The following CLSTN2 variants were observed in gnomAD, a reference collection of about 807,000 sequenced individuals.
The protein encoded by CLSTN2 is calsyntenin 2, also known as calsyntenin-2.
In CLSTN2, 48 loss-of-function variants were observed where a neutral mutation model predicts 101.2. The observed-to-expected ratio is 0.47, with a 90% CI of 0.38 to 0.60. The LOEUF is 0.60. Ranked by LOEUF, CLSTN2 falls within the 20% of genes least tolerant of loss-of-function variation. The pLI is 0.00. For synonymous variants in CLSTN2, 481 were observed against 463.6 expected (o/e 1.04, Z -0.48); for missense variants, 1,160 against 1,238.2 (o/e 0.94, Z 0.95).
chr3:140,327,584 A>G (rs188988837), intron 2 of CLSTN2, among the ~76,000 whole-genome samples: 1 of 152,328 alleles, frequency 6.6e-6, no homozygotes, highest in Non-Finnish European at 1.5e-5. Flanking sequence ...TATACTCAAA[A>G]GAATGTGCAC....
intron 2 of CLSTN2, among the ~76,000 whole-genome samples, chr3:140,374,661 T>C (rs1258082484): frequency 6.6e-6 from 1 of 152,210 alleles, no homozygotes; most frequent in Admixed American, 6.5e-5. Flanking sequence ...AATAGAGCTA[T>C]CAAATTAATG....
intron 9 of CLSTN2, among the ~76,000 whole-genome samples, chr3:140,534,471 C>A (rs1559897074): frequency 6.6e-6 from 1 of 152,130 alleles, no homozygotes; most frequent in African/African-American, 2.4e-5. Context: ...GAACTAAAAT[C>A]AATAAGAATA....
At chr3:140,420,898 A>C (rs944158985) in intron 4 of CLSTN2, among the ~76,000 whole-genome samples, 1 of 94,174 alleles carries the variant, frequency 1.1e-5, no homozygotes, top group Non-Finnish European at 1.9e-5. Context: ...TGGCAGTCCT[A>C]TTGCGCAGCT....
intron 8 of CLSTN2, among the ~76,000 whole-genome samples, chr3:140,484,947 TCTC>T (rs1403175846): frequency 6.6e-6 from 1 of 152,232 alleles, no homozygotes; most frequent in Admixed American, 6.5e-5. Context: ...TCTGAAGCCT[TCTC>T]CTCTGAACTC....
At chr3:139,939,939 T>C (rs1935097669) in intron 1 of CLSTN2, among the ~76,000 whole-genome samples, 1 of 152,174 alleles carries the variant, frequency 6.6e-6, no homozygotes, top group Non-Finnish European at 1.5e-5. Context: ...TCTCTTGGAT[T>C]CTCTGGGCAT....
intron 1 of CLSTN2, among the ~76,000 whole-genome samples, chr3:140,158,490 AG>A (rs2009992552): frequency 6.6e-6 from 1 of 152,192 alleles, no homozygotes; most frequent in Admixed American, 6.5e-5. Context: ...CAGCTCATCA[AG>A]GAGATGAAAG....
intron 1 of CLSTN2, among the ~76,000 whole-genome samples, chr3:140,070,079 C>T (rs2008365515): frequency 6.6e-6 from 1 of 152,188 alleles, no homozygotes; most frequent in African/African-American, 2.4e-5. Flanking sequence ...CTGAGCAGGT[C>T]AGTGGCTCTC....
intron 2 of CLSTN2, among the ~76,000 whole-genome samples, chr3:140,232,746 C>T (rs1178380990): frequency 6.6e-6 from 1 of 152,160 alleles, no homozygotes; most frequent in African/African-American, 2.4e-5. Context: ...CAATATCCAC[C>T]CAGTTACTCA....
intron 1 of CLSTN2, among the ~76,000 whole-genome samples, chr3:140,054,815 G>C (rs555170799): frequency 1.3e-5 from 2 of 152,314 alleles, no homozygotes; most frequent in South Asian, 4.1e-4. Flanking sequence ...AAAGGAGAAG[G>C]GAGTTTGGGA....
chr3:140,155,052 T>TA (rs1388314434), intron 1 of CLSTN2, among the ~76,000 whole-genome samples: 11 of 152,084 alleles, frequency 7.2e-5, no homozygotes, highest in African/African-American at 2.7e-4. Context: ...GAGATTTGGG[T>TA]GGGGACACAG....
chr3:140,039,673 A>G (rs2007723815), intron 1 of CLSTN2, among the ~76,000 whole-genome samples: 1 of 152,174 alleles, frequency 6.6e-6, no homozygotes, highest in South Asian at 2.1e-4. Context: ...ACTGCCACCA[A>G]GTAATTTGTG....
chr3:140,383,981 G>A (rs1203716415), intron 2 of CLSTN2, among the ~76,000 whole-genome samples: 3 of 152,170 alleles, frequency 2.0e-5, no homozygotes, highest in Non-Finnish European at 2.9e-5. Flanking sequence ...TGCTGGAAAC[G>A]GGTTACATTT....
At chr3:140,119,083 GGGCAAAAT>G (rs1305376628) in intron 1 of CLSTN2, among the ~76,000 whole-genome samples, 2 of 152,202 alleles carry the variant, frequency 1.3e-5, no homozygotes. Flanking sequence ...GCCCCAGGAG[GGGCAAAAT>G]GCCTGCTTTG....
intron 1 of CLSTN2, among the ~76,000 whole-genome samples, chr3:140,063,059 T>C (rs2008234022): frequency 6.6e-6 from 1 of 152,196 alleles, no homozygotes; most frequent in African/African-American, 2.4e-5. Context: ...TAATACCTAA[T>C]CTAATTCTGA....
intron 1 of CLSTN2, among the ~76,000 whole-genome samples, chr3:140,061,794 C>A (rs182808427): frequency 8.5e-5 from 13 of 152,312 alleles, no homozygotes. Context: ...TGCCATAGTG[C>A]CTTTGCATGT....
chr3:139,991,142 T>C (rs1007694048), intron 1 of CLSTN2, among the ~76,000 whole-genome samples: 2 of 152,182 alleles, frequency 1.3e-5, no homozygotes, highest in African/African-American at 4.8e-5. Context: ...AGGTGCTGTG[T>C]TGATGGAAAT....
intron 8 of CLSTN2, among the ~76,000 whole-genome samples, chr3:140,512,841 C>T (rs529545785): frequency 1.3e-5 from 2 of 152,146 alleles, no homozygotes; most frequent in Non-Finnish European, 1.5e-5. Context: ...CCCTTGTTAG[C>T]TGTATTCCCA....
At chr3:139,950,736 T>C (rs1172067377) in intron 1 of CLSTN2, among the ~76,000 whole-genome samples, 1 of 152,216 alleles carries the variant, frequency 6.6e-6, no homozygotes. Flanking sequence ...ATGTCTTCAC[T>C]GAATACAAAG....
rs751616049 is a variant in CLSTN2 at position 140,415,486 on chromosome 3, CAAAAA to C, written c.638-5619_638-5615del. On this transcript the variant is annotated intron_variant, in intron 4 of 16. Transcript: ENST00000458420. The stretch of plus-strand genomic sequence containing the variant: ...GAGGAACTCATATAACACAAAATAG[CAAAAA>C]AAAAAAAAAAAAAAAAAAACAAACT... Among the ~76,000 whole-genome samples, 38 of 56,874 alleles carry C rather than the reference CAAAAA, an allele frequency of 6.7e-4. No individual in the cohort carries two copies. The South Asian group carries it at 0.023, about 35-fold the overall frequency. The allele number at this position is 56,874 out of a possible 152,430, so 37.3% of individuals were successfully genotyped here. A position where few individuals can be genotyped will look rare whatever the true frequency, so the allele number is the denominator to read the frequency against.
Sources: gnomAD v4.1 joint callset for allele counts (sites outside exome capture counted in the v4.1 genomes callset) on GRCh38, gnomAD v4.1.1 for gene constraint, MANE v1.5 for transcripts, NCBI Gene and HGNC (gene_info 2026-07-23, HGNC 2026-07-21) for gene names.